The following SQSTM1 variants were observed in gnomAD, a reference collection of about 807,000 sequenced individuals.
SQSTM1 encodes sequestosome 1, also known as sequestosome-1.
In SQSTM1, 36 loss-of-function variants were observed where a neutral mutation model predicts 45.1. The observed-to-expected ratio is 0.80, with a 90% CI of 0.61 to 1.05. SQSTM1 has a LOEUF of 1.05. Among genes scored for constraint, SQSTM1 ranks in the 50% least tolerant of loss-of-function variants. SQSTM1 has a pLI of 0.00. For missense variants in SQSTM1, 617 were observed against 607.1 expected, an observed-to-expected ratio of 1.02 and a Z score of -0.17; for synonymous variants, 290 against 244.3, an observed-to-expected ratio of 1.19 and a Z score of -1.74.
chr5:179,836,955 G>A lies in SQSTM1; in HGVS notation c.*362G>A, dbSNP rs1222642843. On this transcript the variant is annotated 3_prime_UTR_variant, in exon 8 of 8. Transcript: ENST00000389805. ...TGTTTTAAATGACTCATAGGTCCCT[G>A]ACATTTAGTTGATTATTTTCTGCTA... 5 of 606,554 alleles carry A rather than the reference G, an allele frequency of 8.2e-6. No homozygotes were observed. The highest frequency in any genetic ancestry group is 1.5e-5 in the Non-Finnish European group (5 of 343,504). The allele number at this position is 606,554 out of a possible 1,614,324, so 37.6% of individuals were successfully genotyped here. A position where few individuals can be genotyped will look rare whatever the true frequency, so the allele number is the denominator to read the frequency against.
chr5:179,820,840 C>T, upstream of SQSTM1: 2 of 1,217,598 alleles, frequency 1.6e-6, no homozygotes, highest in Admixed American at 3.6e-5. Context: ...AGAGACTCCG[C>T]CCCTCTCGAG....
chr5:179,814,739 AG>A (rs1485926376), upstream of SQSTM1, among the ~76,000 whole-genome samples: 1 of 152,190 alleles, frequency 6.6e-6, no homozygotes, highest in Non-Finnish European at 1.5e-5. Context: ...TCTCACCTCA[AG>A]GGAACAGGTG....
At position 179,833,569 on chromosome 5, in the gene SQSTM1, T is replaced by TG. The variant is rs1561605943; in HGVS notation, c.970-16dup. ...GTTGCGCGTGTCTCCTGTGTGCTCATGGTGAGTTTTGTTCCAGGAACAGAT... is the reference window on the plus strand; with the variant it reads ...GTTGCGCGTGTCTCCTGTGTGCTCATGGGTGAGTTTTGTTCCAGGAACAGAT... On this transcript the variant is annotated splice_polypyrimidine_tract_variant and intron_variant, in intron 6 of 7. Coordinates refer to ENST00000389805, the MANE Select transcript of SQSTM1 (RefSeq NM_003900.5). 1 of 1,614,000 alleles carries TG rather than the reference T, an allele frequency of 6.2e-7. No individual in the cohort carries two copies. Among genetic ancestry groups the TG allele is most frequent in the South Asian group, 1.1e-5 (1 of 91,076 alleles).
chr5:179,822,221 C>G (rs2113483216), intron 1 of SQSTM1, among the ~76,000 whole-genome samples: 1 of 152,324 alleles, frequency 6.6e-6, no homozygotes, highest in East Asian at 1.9e-4. Flanking sequence ...GTTTCTTTCA[C>G]TTAGTGTAAT....
At chr5:179,825,970 G>T (rs543880101) in intron 5 of SQSTM1, among the ~76,000 whole-genome samples, 2 of 152,178 alleles carry the variant, frequency 1.3e-5, no homozygotes, top group African/African-American at 4.8e-5. Flanking sequence ...CAGATGGATC[G>T]CTGGGACACC....
At chr5:179,816,568 C>T (rs1287964247), upstream of SQSTM1, among the ~76,000 whole-genome samples, 2 of 152,234 alleles carry the variant, frequency 1.3e-5, no homozygotes, top group Non-Finnish European at 2.9e-5. Flanking sequence ...ACGGGGTACT[C>T]CCGGTGCGGC....
At chr5:179,834,875 A>C (rs1294339021) in intron 7 of SQSTM1, among the ~76,000 whole-genome samples, 1 of 152,218 alleles carries the variant, frequency 6.6e-6, no homozygotes, top group Non-Finnish European at 1.5e-5. Context: ...CTATTCCACA[A>C]AGCCGCCATT....
intron 7 of SQSTM1, among the ~76,000 whole-genome samples, chr5:179,834,620 G>T (rs401475): frequency 0.066 from 9,920 of 151,450 alleles, 337 homozygotes; most frequent in Middle Eastern, 0.13. Context: ...TGACTCTTAA[G>T]GAGCATGCTG....
In SQSTM1 at chr5:179,836,564, C is replaced by T; in HGVS notation, c.1294C>T (p.Gln432Ter). Residue 432 changes from glutamine to a stop codon, truncating the protein, a stop_gained, in exon 8 of 8, where the codon CAG becomes TAG. Coordinates refer to ENST00000389805, the MANE Select transcript of SQSTM1 (RefSeq NM_003900.5). LOFTEE classifies it high-confidence loss of function. Reference sequence around the variant, plus strand: ...CATCGGAGCGGCTCTGGACACCATCCAGTATTCAAAGCATCCCCCGCCGTT... The same window carrying T: ...CATCGGAGCGGCTCTGGACACCATCTAGTATTCAAAGCATCCCCCGCCGTT... ...YDIGAALDTI[Q>*]YSKHPPPL 6.2e-7 allele frequency: 1 copy of T among 1,614,176 alleles called. No individual in the cohort carries two copies. Among genetic ancestry groups the T allele is most frequent in the East Asian group, 2.2e-5 (1 of 44,882 alleles).
rs771657338 is a variant in SQSTM1, at chr5:179,836,477, T to A, written c.1207T>A (p.Ser403Thr). ...RLIESLSQML[S>T]MGFSDEGGWL... ...GATTGAGTCCCTCTCCCAGATGCTG[T>A]CCATGGGCTTCTCTGATGAAGGCGG... is the stretch of plus-strand genomic sequence containing the variant. Residue 403 changes from serine to threonine, a missense_variant, in exon 8 of 8, where the codon TCC (serine) becomes ACC (threonine). By Grantham distance (58) the Ser-to-Thr change is moderately conservative. Transcript: ENST00000389805. 50 of 1,614,036 alleles carry A rather than the reference T, an allele frequency of 3.1e-5. No individual in the cohort carries two copies. The South Asian group carries it at 5.2e-4, about 17-fold the overall frequency.
Position 179,832,474 on chromosome 5 carries a change from C to T in SQSTM1, c.755-558C>T, listed in dbSNP as rs547459717. On this transcript the variant is annotated intron_variant, in intron 5 of 7. Transcript: ENST00000389805. ...AGCAGAGCTCCGGCGTTGAGGTGTG[C>T]GTGTGTGTCGTCGCACAAAGCCTCT... is the stretch of plus-strand genomic sequence containing the variant. Among the ~76,000 whole-genome samples, 14 of 152,300 alleles carry T rather than the reference C, an allele frequency of 9.2e-5. No individual in the cohort carries two copies. In the South Asian group the frequency reaches 2.3e-3, roughly 25 times the overall value.
chr5:179,821,242 C>T (rs1392017863), intron 1 of SQSTM1, 101 bp downstream of exon 1: 1 of 1,147,394 alleles, frequency 8.7e-7, no homozygotes, highest in Non-Finnish European at 1.1e-6. Flanking sequence ...CCTGGCGGGC[C>T]GTGAGGGGGT....
intron 1 of SQSTM1, chr5:179,821,822 G>A (rs1757793284): frequency 1.7e-5 from 5 of 294,766 alleles, no homozygotes; most frequent in South Asian, 1.2e-4. Flanking sequence ...GGCTGCTGGG[G>A]GTGGGGTTAG....
chr5:179,833,548 C>T (rs570282765), intron 6 of SQSTM1, 39 bp from the exon 7 acceptor site: 18 of 1,608,756 alleles, frequency 1.1e-5, no homozygotes, highest in African/African-American at 4.0e-5. Flanking sequence ...TGGCCTGTTG[C>T]GCGTGTCTCC....
Position 179,833,074 on chromosome 5 carries a change from G to A in SQSTM1, c.797G>A (p.Ser266Asn), listed in dbSNP as rs1404380260. The change falls in exon 6 of 8, where the codon AGC becomes AAC. Residue 266 changes from serine to asparagine, a missense_variant. By Grantham distance (46) the Ser-to-Asn change is conservative. Transcript: ENST00000389805. ...DIDVEHGGKR[S>N]RLTPVSPESS... The stretch of plus-strand genomic sequence containing the variant: ...GATGTGGAGCACGGAGGGAAAAGAA[G>A]CCGCCTGACCCCCGTCTCTCCAGAG... 6.2e-7 allele frequency: 1 copy of A among 1,614,102 alleles called. No individual in the cohort carries two copies. The highest frequency in any genetic ancestry group is 1.3e-5 in the African/African-American group (1 of 74,930).
In SQSTM1 at chr5:179,807,198, C is replaced by G. The variant is rs572828792; in HGVS notation, c.-157+607C>G. The stretch of plus-strand genomic sequence containing the variant: ...GGCGGCGGGGGCGGCGCTCCGGGAC[C>G]CCGGTACCCTTCTCAGCAACATCTC... On this transcript the variant is annotated intron_variant, in intron 1 of 5. Coordinates refer to the SQSTM1 transcript ENST00000514093. The G allele has an allele frequency of 9.8e-3, 1,493 of 152,904 alleles. 17 individuals carry two copies. The highest frequency in any genetic ancestry group is 0.017 in the Non-Finnish European group (1,173 of 68,414). The allele number at this position is 152,904 out of a possible 1,614,324, so 9.5% of individuals were successfully genotyped here.
Position 179,836,619 on chromosome 5 carries a change from G to GC in SQSTM1, c.*30dup. On this transcript the variant is annotated 3_prime_UTR_variant, in exon 8 of 8. Transcript: ENST00000389805. ...CCACTTTTGCCCACCTCTTCTGCGT[G>GC]CCCCTCTTCTGTCTCATAGTTGTGT... 2 of 1,611,584 alleles carry GC rather than the reference G, an allele frequency of 1.2e-6. No homozygotes were observed. Among genetic ancestry groups the GC allele is most frequent in the Non-Finnish European group, 1.7e-6 (2 of 1,179,976 alleles).
At chr5:179,828,187 TACG>T (rs1455104188) in intron 5 of SQSTM1, among the ~76,000 whole-genome samples, 19 of 152,272 alleles carry the variant, frequency 1.2e-4, no homozygotes, top group African/African-American at 4.3e-4. Flanking sequence ...TGTCCAGTCT[TACG>T]ACAAGGCCTG....
chr5:179,836,924 CTCTTT>C lies in SQSTM1; in HGVS notation c.*333_*337del, dbSNP rs989590292. On this transcript the variant is annotated 3_prime_UTR_variant, in exon 8 of 8. Transcript: ENST00000389805. ...TAGCTTGCCTAATGGCTTTCACTTT[CTCTTT>C]TGTTTTAAATGACTCATAGGTCCCT... is the stretch of plus-strand genomic sequence containing the variant. 2.8e-5 allele frequency: 17 copies of C among 606,782 alleles called. No individual in the cohort carries two copies. The highest frequency in any genetic ancestry group is 1.9e-4 in the African/African-American group (10 of 53,990). 37.6% of individuals were successfully genotyped at this position (606,782 alleles called of 1,614,324 possible).
Sources: gnomAD v4.1 joint callset for allele counts (sites outside exome capture counted in the v4.1 genomes callset) on GRCh38, gnomAD v4.1.1 for gene constraint, MANE v1.5 for transcripts, NCBI Gene and HGNC (gene_info 2026-07-23, HGNC 2026-07-21) for gene names.